C10orf71: variants seen among roughly 807,000 people sequenced by gnomAD.
C10orf71 encodes cardiac-enriched FHL2-interacting protein.
For synonymous variants in C10orf71, 758 were observed against 726.3 expected (o/e 1.04, Z -0.70); for missense variants, 1,869 against 1,804.5 (o/e 1.04, Z -0.65).
At chr10:49,298,799 G>A (rs983110821), upstream of C10orf71, 1 of 152,156 alleles carries the variant, frequency 6.6e-6, no homozygotes, top group Non-Finnish European at 1.5e-5. Context: ...AGCAGAGGAC[G>A]GCTCCTTACT....
In C10orf71 at chr10:49,323,267, A is replaced by G. The variant is rs1300249236; in HGVS notation, c.722A>G (p.Asp241Gly). The part of the protein sequence containing the change: ...GSSSFLPAAN[D>G]TATLCESKFP... The stretch of plus-strand genomic sequence containing the variant: ...AGCAGCTTCCTCCCAGCAGCCAATG[A>G]CACGGCCACCTTATGTGAGTCAAAG... The change falls in exon 3 of 3, where the codon GAC (aspartate) becomes GGC (glycine). Residue 241 changes from aspartate to glycine, a missense_variant. Physicochemically the swap from Asp to Gly is moderately conservative, Grantham distance 94. Coordinates refer to ENST00000374144, the MANE Select transcript of C10orf71 (RefSeq NM_001135196.2). 1 of 1,613,886 alleles carries G rather than the reference A, an allele frequency of 6.2e-7. No homozygotes were observed. Among genetic ancestry groups the G allele is most frequent in the Admixed American group, 1.7e-5 (1 of 60,016 alleles).
At chr10:49,307,954 G>T (rs774632598) in intron 1 of C10orf71, among the ~76,000 whole-genome samples, 4 of 152,184 alleles carry the variant, frequency 2.6e-5, no homozygotes, top group Non-Finnish European at 5.9e-5. Context: ...CCTGTGCCTT[G>T]TTCCCTGGCC....
chr10:49,325,198 C>T lies in C10orf71; in HGVS notation c.2653C>T (p.Leu885Phe). ...LLRTMSLEDS[L>F]SSGHKEEELP... The stretch of plus-strand genomic sequence containing the variant: ...GAGGACCATGTCCTTGGAGGACTCC[C>T]TCAGCAGTGGCCACAAAGAGGAGGA... Residue 885 changes from leucine (L) to phenylalanine (F), a missense_variant, in exon 3 of 3, where the codon CTC (leucine) becomes TTC (phenylalanine). Coordinates refer to ENST00000374144, the MANE Select transcript of C10orf71 (RefSeq NM_001135196.2). The T allele has an allele frequency of 6.4e-7, 1 of 1,552,018 alleles. No individual in the cohort carries two copies. Among genetic ancestry groups the T allele is most frequent in the Non-Finnish European group, 8.7e-7 (1 of 1,147,072 alleles).
Position 49,324,994 on chromosome 10 carries a change from G to T in C10orf71, c.2449G>T (p.Ala817Ser). 1 of 1,551,374 alleles carries T rather than the reference G, an allele frequency of 6.4e-7. No individual in the cohort carries two copies. Among genetic ancestry groups the T allele is most frequent in the Non-Finnish European group, 8.7e-7 (1 of 1,146,744 alleles). Residue 817 changes from alanine to serine, a missense_variant, in exon 3 of 3, where the codon GCA becomes TCA. By Grantham distance (99) the Ala-to-Ser change is moderately conservative. Transcript: ENST00000374144. The stretch of plus-strand genomic sequence containing the variant: ...TGGAGGAAGAACCAGGAAGGCATCA[G>T]CAGAGGAAGCTAATTTCAGAGGCTC... ...VSGGRTRKAS[A>S]EEANFRGSWI...
chr10:49,297,640 A>G (rs1848659481), upstream of C10orf71, among the ~76,000 whole-genome samples: 1 of 152,250 alleles, frequency 6.6e-6, no homozygotes, highest in African/African-American at 2.4e-5. Flanking sequence ...CACAGAGCAC[A>G]GGCATTCTCT....
chr10:49,318,392 T>C (rs1009812039), intron 2 of C10orf71, among the ~76,000 whole-genome samples: 1 of 152,242 alleles, frequency 6.6e-6, no homozygotes, highest in South Asian at 2.1e-4. Context: ...TCCCCTTGTA[T>C]GCAGCCTTCT....
In C10orf71 at chr10:49,326,711, AC is replaced by A; in HGVS notation, c.4167del (p.His1389GlnfsTer25). The A allele has an allele frequency of 6.4e-7, 1 of 1,551,162 alleles. No homozygotes were observed. The highest frequency in any genetic ancestry group is 8.7e-7 in the Non-Finnish European group (1 of 1,146,968). On this transcript the variant is annotated frameshift_variant, in exon 3 of 3. Transcript: ENST00000374144. LOFTEE classifies it low-confidence loss of function (END_TRUNC). ...ESGLQLDPGP[H>X]GDCTPHSAGQ... ...GGACTACAGCTGGACCCAGGGCCTC[AC>A]GGTGACTGCACCCCGCACTCTGCAG...
At chr10:49,298,898 C>G (rs1204538395), upstream of C10orf71, 1 of 152,168 alleles carries the variant, frequency 6.6e-6, no homozygotes, top group African/African-American at 2.4e-5. Flanking sequence ...GGCTCTGGCT[C>G]CAAGGCACAC....
At chr10:49,314,224 G>A (rs987307968) in intron 1 of C10orf71, among the ~76,000 whole-genome samples, 4 of 152,058 alleles carry the variant, frequency 2.6e-5, no homozygotes, top group Non-Finnish European at 4.4e-5. Context: ...GAGGTAGAGG[G>A]GAGATATGAA....
At chr10:49,310,006 C>G (rs950941049) in intron 1 of C10orf71, among the ~76,000 whole-genome samples, 2 of 152,186 alleles carry the variant, frequency 1.3e-5, no homozygotes, top group East Asian at 3.8e-4. Flanking sequence ...ACCACACTAC[C>G]GGCAAGTGGT....
At chr10:49,308,959 C>T (rs1848864549) in intron 1 of C10orf71, among the ~76,000 whole-genome samples, 2 of 152,226 alleles carry the variant, frequency 1.3e-5, no homozygotes, top group Admixed American at 1.3e-4. Context: ...CCCTGCTCAG[C>T]ACTCCCAGGC....
intron 2 of C10orf71, 43 bp from the exon 3 acceptor site, chr10:49,322,359 A>T: frequency 1.6e-6 from 1 of 612,202 alleles, no homozygotes; most frequent in Non-Finnish European, 2.8e-6. Flanking sequence ...TCTTGTGTAG[A>T]GCTGTATACT....
At chr10:49,303,540 CA>C (rs1252808485) in intron 1 of C10orf71, among the ~76,000 whole-genome samples, 1 of 152,192 alleles carries the variant, frequency 6.6e-6, no homozygotes, top group Non-Finnish European at 1.5e-5. Context: ...TGAGCGGGAT[CA>C]AGCACTGTTA....
Position 49,326,264 on chromosome 10 carries a change from C to T in C10orf71, c.3719C>T (p.Pro1240Leu), listed in dbSNP as rs906848852. Reference protein sequence around the residue: ...HNFPVVRSLPPPVHRHSVSGF... With the variant: ...HNFPVVRSLPLPVHRHSVSGF... ...TTCCCCGTGGTCCGTTCCCTGCCCC[C>T]TCCCGTGCACCGCCACTCCGTGTCC... is the stretch of plus-strand genomic sequence containing the variant. Residue 1240 changes from proline to leucine, a missense_variant, in exon 3 of 3, where the codon CCT becomes CTT. Transcript: ENST00000374144. 1.5e-5 allele frequency: 24 copies of T among 1,549,854 alleles called. No homozygotes were observed. The highest frequency in any genetic ancestry group is 7.8e-5 in the Admixed American group (4 of 50,982).
chr10:49,326,176 C>A lies in C10orf71; in HGVS notation c.3631C>A (p.Pro1211Thr), dbSNP rs1590344000. 10 of 1,551,560 alleles carry A rather than the reference C, an allele frequency of 6.4e-6. No individual in the cohort carries two copies. In the Middle Eastern group the frequency reaches 5.0e-4, roughly 78 times the overall value. ...HGESQEGKPCPEDLEQTQQRP... is the reference protein window; with the variant it reads ...HGESQEGKPCTEDLEQTQQRP... ...CGAGTCACAGGAGGGAAAGCCCTGC[C>A]CGGAGGACTTGGAGCAGACACAGCA... The change falls in exon 3 of 3, where the codon CCG becomes ACG. Residue 1211 changes from proline to threonine, a missense_variant. Physicochemically the swap from Pro to Thr is conservative, Grantham distance 38. Coordinates refer to ENST00000374144, the MANE Select transcript of C10orf71 (RefSeq NM_001135196.2).
At position 49,323,160 on chromosome 10, in the gene C10orf71, C is replaced by G; in HGVS notation, c.615C>G (p.Thr205=). ...GGGTGCCCGCTGAAGTTTCCAACAC[C>G]CATCAGAACAGCTACCAGCCAGGCA... ...VRRVPAEVSN[T]HQNSYQPGRK... Residue 205 remains threonine, a synonymous_variant, in exon 3 of 3, where the codon ACC becomes ACG. Transcript: ENST00000374144. 6.2e-7 allele frequency: 1 copy of G among 1,613,944 alleles called. No homozygotes were observed. Among genetic ancestry groups the G allele is most frequent in the South Asian group, 1.1e-5 (1 of 91,078 alleles).
chr10:49,325,944 C>G lies in C10orf71; in HGVS notation c.3399C>G (p.Asp1133Glu). Residue 1133 changes from aspartate (D) to glutamate (E), a missense_variant, in exon 3 of 3, where the codon GAC becomes GAG. Coordinates refer to ENST00000374144, the MANE Select transcript of C10orf71 (RefSeq NM_001135196.2). ...SDPLLELSAE[D>E]LRTLSPRGSL... ...CCCTACTTGAGCTGTCGGCAGAAGA[C>G]CTCCGGACCCTCTCTCCAAGAGGTT... 1 of 1,551,620 alleles carries G rather than the reference C, an allele frequency of 6.4e-7. No homozygotes were observed.
chr10:49,301,168 T>C (rs1207392491), intron 1 of C10orf71, among the ~76,000 whole-genome samples: 1 of 152,120 alleles, frequency 6.6e-6, no homozygotes, highest in Admixed American at 6.5e-5. Context: ...CTCTTGGGAT[T>C]TTACTCCATA....
intron 1 of C10orf71, among the ~76,000 whole-genome samples, chr10:49,309,945 G>A (rs1848882251): frequency 1.3e-5 from 2 of 152,226 alleles, no homozygotes; most frequent in South Asian, 2.1e-4. Context: ...AGAAGTGAAA[G>A]CACCATTCAA....
Sources: gnomAD v4.1 joint callset for allele counts (sites outside exome capture counted in the v4.1 genomes callset) on GRCh38, gnomAD v4.1.1 for gene constraint, MANE v1.5 for transcripts, NCBI Gene and HGNC (gene_info 2026-07-23, HGNC 2026-07-21) for gene names.